Variants in TGFBRAP1 observed in about 807,000 individuals in gnomAD.
TGFBRAP1 encodes the protein transforming growth factor-beta receptor-associated protein 1.
A neutral mutation model predicts 83.2 loss-of-function variants in TGFBRAP1; 20 were observed. The ratio of observed to expected loss-of-function variants is 0.24; its 90% CI spans 0.17 to 0.35. The LOEUF (loss-of-function observed/expected upper bound fraction) is 0.35, where lower values mean the gene tolerates loss of function less well. Among genes scored for constraint, TGFBRAP1 ranks in the 10% least tolerant of loss-of-function variants. TGFBRAP1 has a pLI of 1.00. For missense variants in TGFBRAP1, 950 were observed against 1,099.4 expected, an observed-to-expected ratio of 0.86 and a Z score of 1.92; for synonymous variants, 415 against 459.8, an observed-to-expected ratio of 0.90 and a Z score of 1.25.
At chr2:105,322,087 G>A (rs1039891797) in intron 1 of TGFBRAP1, among the ~76,000 whole-genome samples, 2 of 152,142 alleles carry the variant, frequency 1.3e-5, no homozygotes, top group Non-Finnish European at 2.9e-5. Context: ...AGATGTGGAG[G>A]TGGATGACAG....
chr2:105,304,317 A>C (rs540002225), intron 2 of TGFBRAP1, among the ~76,000 whole-genome samples: 1 of 152,228 alleles, frequency 6.6e-6, no homozygotes, highest in African/African-American at 2.4e-5. Flanking sequence ...TACCAGGTTC[A>C]TTATGCTATT....
intron 1 of TGFBRAP1, among the ~76,000 whole-genome samples, chr2:105,322,482 C>T (rs559434192): frequency 2.0e-4 from 31 of 152,272 alleles, no homozygotes; most frequent in East Asian, 3.9e-4. Context: ...TCCAGTCCTG[C>T]GAGCTCCATT....
At chr2:105,270,264 T>C (rs908053769) in intron 10 of TGFBRAP1, among the ~76,000 whole-genome samples, 4 of 152,218 alleles carry the variant, frequency 2.6e-5, no homozygotes, top group African/African-American at 9.6e-5. Context: ...AATAGGATTT[T>C]TTTGTTTGTT....
intron 4 of TGFBRAP1, among the ~76,000 whole-genome samples, chr2:105,293,885 T>C (rs1196164373): frequency 6.6e-6 from 1 of 151,816 alleles, no homozygotes; most frequent in Non-Finnish European, 1.5e-5. Flanking sequence ...CGCTGAGGGG[T>C]GACATGATAA....
chr2:105,251,503 G>A, the TGFBRAP1 span, among the ~76,000 whole-genome samples: 3 of 149,850 alleles, frequency 2.0e-5, no homozygotes, highest in Non-Finnish European at 3.0e-5. Flanking sequence ...CAGCCACACC[G>A]TCTGGGAGGG....
intron 10 of TGFBRAP1, among the ~76,000 whole-genome samples, chr2:105,271,536 C>A (rs1415858474): frequency 6.6e-6 from 1 of 152,128 alleles, no homozygotes; most frequent in Admixed American, 6.6e-5. Context: ...AAATACCAAC[C>A]CACACCTGTG....
chr2:105,319,788 T>A (rs910809359), intron 1 of TGFBRAP1, among the ~76,000 whole-genome samples: 2 of 150,060 alleles, frequency 1.3e-5, no homozygotes, highest in Non-Finnish European at 3.0e-5. Flanking sequence ...TTAATATATA[T>A]GTTTAACATA....
chr2:105,319,976 C>T (rs773870415), intron 1 of TGFBRAP1, among the ~76,000 whole-genome samples: 1 of 151,928 alleles, frequency 6.6e-6, no homozygotes, highest in Non-Finnish European at 1.5e-5. Context: ...AACTCCTAAT[C>T]TGGTACAGAG....
intron 10 of TGFBRAP1, among the ~76,000 whole-genome samples, chr2:105,270,086 A>G (rs1677099327): frequency 6.6e-6 from 1 of 152,112 alleles, no homozygotes; most frequent in Non-Finnish European, 1.5e-5. Flanking sequence ...GTATCTTTTG[A>G]CTAAAATAGA....
chr2:105,251,376 G>A, the TGFBRAP1 span, among the ~76,000 whole-genome samples: 64 of 148,696 alleles, frequency 4.3e-4, no homozygotes, highest in Middle Eastern at 3.8e-3. Context: ...CCTCTGCCCC[G>A]CCGCCCATTG....
intron 1 of TGFBRAP1, among the ~76,000 whole-genome samples, chr2:105,311,229 T>TATTGTTTC (rs1164489351): frequency 6.8e-6 from 1 of 147,282 alleles, no homozygotes; most frequent in Non-Finnish European, 1.5e-5. Flanking sequence ...ACAAATGCAA[T>TATTGTTTC]ATTGTTTCAT....
intron 4 of TGFBRAP1, among the ~76,000 whole-genome samples, chr2:105,286,613 G>A (rs1004895847): frequency 6.6e-6 from 1 of 152,174 alleles, no homozygotes; most frequent in Non-Finnish European, 1.5e-5. Flanking sequence ...GGTGCAAATT[G>A]CCAGGTGAAG....
At chr2:105,299,777 T>G (rs1678221023) in intron 2 of TGFBRAP1, among the ~76,000 whole-genome samples, 1 of 151,818 alleles carries the variant, frequency 6.6e-6, no homozygotes, top group South Asian at 2.1e-4. Flanking sequence ...AACAAAGGCA[T>G]CCACGCAAAA....
rs1676976785 is a variant in TGFBRAP1 at position 105,267,326 on chromosome 2, T to C, written c.*57A>G. 1.3e-6 allele frequency: 2 copies of C among 1,598,104 alleles called. No homozygotes were observed. The highest frequency in any genetic ancestry group is 1.3e-5 in the African/African-American group (1 of 74,464). ...GAGCATGGTGGTCATCTGCTCTTCA[T>C]GTCCAGCAGGCTCAGAAAGAACTCG... On this transcript the variant is annotated 3_prime_UTR_variant, in exon 12 of 12. Transcript: ENST00000393359.
chr2:105,283,508 A>G (rs1487553269), intron 5 of TGFBRAP1, among the ~76,000 whole-genome samples: 1 of 152,220 alleles, frequency 6.6e-6, no homozygotes, highest in Non-Finnish European at 1.5e-5. Flanking sequence ...TAAACTGTGC[A>G]CAATCTATTC....
downstream of TGFBRAP1, among the ~76,000 whole-genome samples, chr2:105,263,834 C>T (rs1169883632): frequency 6.6e-6 from 1 of 151,686 alleles, no homozygotes; most frequent in Non-Finnish European, 1.5e-5. Flanking sequence ...TGCAGTGAGC[C>T]GAGATCACAC....
intron 1 of TGFBRAP1, 26 bp downstream of exon 1, chr2:105,329,599 C>G (rs1363197537): frequency 1.3e-5 from 2 of 148,424 alleles, no homozygotes; most frequent in Non-Finnish European, 1.5e-5. Flanking sequence ...CCCCGCACCC[C>G]GCGCCCCGCC....
At chr2:105,314,076 T>A (rs1229161458) in intron 1 of TGFBRAP1, among the ~76,000 whole-genome samples, 1 of 151,872 alleles carries the variant, frequency 6.6e-6, no homozygotes, top group Admixed American at 6.6e-5. Context: ...GGGAAATTTG[T>A]ACACAGAGAC....
chr2:105,274,248 T>A (rs547921767), intron 8 of TGFBRAP1, among the ~76,000 whole-genome samples: 8 of 152,160 alleles, frequency 5.3e-5, no homozygotes, highest in Non-Finnish European at 1.0e-4. Flanking sequence ...GTCCATCAAG[T>A]GGAGGCACTG....
Sources: gnomAD v4.1 joint callset for allele counts (sites outside exome capture counted in the v4.1 genomes callset) on GRCh38, gnomAD v4.1.1 for gene constraint, MANE v1.5 for transcripts, NCBI Gene and HGNC (gene_info 2026-07-23, HGNC 2026-07-21) for gene names.